Variants in EPHA6 observed in about 807,000 individuals in gnomAD.
EPHA6 encodes ephrin type-A receptor 6.
A neutral mutation model predicts 112.0 loss-of-function variants in EPHA6; 50 were observed. That is an observed-to-expected ratio of 0.45 (90% CI 0.36 to 0.56). The LOEUF (loss-of-function observed/expected upper bound fraction) is 0.56. Among genes scored for constraint, EPHA6 ranks in the 20% least tolerant of loss-of-function variants. The pLI is 0.00. For missense variants in EPHA6, 1,280 were observed against 1,417.4 expected (o/e 0.90, Z 1.56); for synonymous variants, 529 against 490.7 (o/e 1.08, Z -1.03).
chr3:97,552,056 A>G (rs528463983), intron 11 of EPHA6, among the ~76,000 whole-genome samples: 4 of 152,164 alleles, frequency 2.6e-5, no homozygotes, highest in Non-Finnish European at 5.9e-5. Context: ...AGCTTTCCTC[A>G]TGTTAACTGT....
intron 10 of EPHA6, among the ~76,000 whole-genome samples, chr3:97,485,002 G>C (rs1475818039): frequency 6.6e-6 from 1 of 152,232 alleles, no homozygotes; most frequent in Admixed American, 6.5e-5. Context: ...GCCGACAGCT[G>C]CCATGCATGC....
At chr3:97,602,953 A>T (rs1406268447) in intron 12 of EPHA6, among the ~76,000 whole-genome samples, 2 of 152,028 alleles carry the variant, frequency 1.3e-5, no homozygotes, top group Non-Finnish European at 2.9e-5. Context: ...TTCAACTATT[A>T]ATTATTACAT....
intron 2 of EPHA6, among the ~76,000 whole-genome samples, chr3:96,937,247 T>A (rs1269172379): frequency 6.6e-6 from 1 of 152,224 alleles, no homozygotes; most frequent in African/African-American, 2.4e-5. Context: ...TTCCTATTTC[T>A]CCACATCCTC....
At chr3:97,390,847 C>T (rs1268196116) in intron 5 of EPHA6, among the ~76,000 whole-genome samples, 1 of 151,920 alleles carries the variant, frequency 6.6e-6, no homozygotes, top group Non-Finnish European at 1.5e-5. Flanking sequence ...AGTGAAAAGG[C>T]AATTGATACT....
intron 3 of EPHA6, among the ~76,000 whole-genome samples, chr3:97,202,556 A>T (rs554880469): frequency 4.2e-4 from 63 of 151,170 alleles, no homozygotes; most frequent in Admixed American, 1.1e-3. Context: ...CTTATCTTGA[A>T]CTCCTGACCT....
intron 14 of EPHA6, among the ~76,000 whole-genome samples, chr3:97,639,823 T>G (rs1195943626): frequency 6.6e-6 from 1 of 152,162 alleles, no homozygotes; most frequent in Non-Finnish European, 1.5e-5. Flanking sequence ...CAGACTTAAA[T>G]AGCAAATTAG....
intron 5 of EPHA6, among the ~76,000 whole-genome samples, chr3:97,248,451 C>T (rs1396227726): frequency 7.9e-5 from 12 of 152,136 alleles, no homozygotes; most frequent in Non-Finnish European, 1.8e-4. Context: ...TAAAGGAAAA[C>T]GTTAATCATG....
chr3:97,249,412 T>C (rs750455358), intron 5 of EPHA6, among the ~76,000 whole-genome samples: 8 of 152,284 alleles, frequency 5.3e-5, no homozygotes, highest in Non-Finnish European at 1.2e-4. Context: ...ATCTAGGTGA[T>C]TGTAAAATTT....
At chr3:97,509,318 C>T (rs531407809) in intron 10 of EPHA6, among the ~76,000 whole-genome samples, 67 of 151,934 alleles carry the variant, frequency 4.4e-4, no homozygotes, top group African/African-American at 1.6e-3. Flanking sequence ...TTGCAGTGGC[C>T]GGTACCGGTT....
chr3:96,908,427 C>G (rs1033277023), intron 2 of EPHA6, among the ~76,000 whole-genome samples: 8 of 151,936 alleles, frequency 5.3e-5, no homozygotes. Flanking sequence ...TAGAATATGA[C>G]AAAGTACTGA....
chr3:97,072,816 T>G (rs1352688556), intron 3 of EPHA6, among the ~76,000 whole-genome samples: 2 of 152,122 alleles, frequency 1.3e-5, no homozygotes, highest in Admixed American at 1.3e-4. Flanking sequence ...TAGGTTAACT[T>G]TTTGCCTGCC....
intron 3 of EPHA6, among the ~76,000 whole-genome samples, chr3:97,113,186 A>G (rs554103044): frequency 6.6e-6 from 1 of 152,122 alleles, no homozygotes; most frequent in South Asian, 2.1e-4. Flanking sequence ...TACCTATATT[A>G]CCATTGTCTT....
intron 6 of EPHA6, among the ~76,000 whole-genome samples, chr3:97,412,143 G>A (rs776123082): frequency 1.3e-5 from 2 of 151,966 alleles, no homozygotes; most frequent in Non-Finnish European, 2.9e-5. Flanking sequence ...CTGAAATAAA[G>A]GTTATGACTA....
chr3:97,369,384 A>G (rs1449274984), intron 5 of EPHA6, among the ~76,000 whole-genome samples: 2 of 152,154 alleles, frequency 1.3e-5, no homozygotes, highest in African/African-American at 4.8e-5. Context: ...GTGGACATAT[A>G]GAAAAGTGGG....
chr3:97,565,295 A>G (rs998784371), intron 11 of EPHA6, among the ~76,000 whole-genome samples: 1 of 152,180 alleles, frequency 6.6e-6, no homozygotes, highest in South Asian at 2.1e-4. Flanking sequence ...ATTTGTAGTA[A>G]TAACAGCCCT....
chr3:97,328,708 G>T (rs1266180710), intron 5 of EPHA6, among the ~76,000 whole-genome samples: 1 of 151,882 alleles, frequency 6.6e-6, no homozygotes, highest in Admixed American at 6.6e-5. Flanking sequence ...ATTTCATGTG[G>T]TCTGACTTAT....
chr3:96,962,724 G>A (rs1299755072), intron 2 of EPHA6, among the ~76,000 whole-genome samples: 1 of 151,494 alleles, frequency 6.6e-6, no homozygotes, highest in Non-Finnish European at 1.5e-5. Flanking sequence ...CCTTGCCTGT[G>A]CTTGCTAATT....
chr3:97,172,557 A>T (rs769566375), intron 3 of EPHA6, among the ~76,000 whole-genome samples: 2 of 152,018 alleles, frequency 1.3e-5, no homozygotes, highest in African/African-American at 4.8e-5. Flanking sequence ...CTTTAAGCAA[A>T]TGAAAACTAG....
chr3:97,422,934 C>T (rs182457140), intron 6 of EPHA6, among the ~76,000 whole-genome samples: 16 of 152,228 alleles, frequency 1.1e-4, no homozygotes, highest in African/African-American at 3.6e-4. Flanking sequence ...GCAGAAAAGG[C>T]TTTCAGTAAA....
Sources: gnomAD v4.1 joint callset for allele counts (sites outside exome capture counted in the v4.1 genomes callset) on GRCh38, gnomAD v4.1.1 for gene constraint, MANE v1.5 for transcripts, NCBI Gene and HGNC (gene_info 2026-07-23, HGNC 2026-07-21) for gene names.